The following PGM2L1 variants were observed in gnomAD, a reference collection of about 807,000 sequenced individuals.
PGM2L1 encodes the protein phosphoglucomutase 2 like 1, also known as glucose 1,6-bisphosphate synthase.
A neutral mutation model predicts 73.4 loss-of-function variants in PGM2L1; 35 were observed. The ratio of observed to expected loss-of-function variants is 0.48; its 90% CI spans 0.36 to 0.63. The LOEUF (loss-of-function observed/expected upper bound fraction) is 0.63, where lower values mean the gene tolerates loss of function less well. Among genes scored for constraint, PGM2L1 ranks in the 30% least tolerant of loss-of-function variants. The pLI, the probability that PGM2L1 is intolerant of heterozygous loss-of-function variation, is 0.00. For missense variants in PGM2L1, 570 were observed against 742.0 expected, an observed-to-expected ratio of 0.77 and a Z score of 2.69; for synonymous variants, 225 against 253.8, an observed-to-expected ratio of 0.89 and a Z score of 1.08.
intron 13 of PGM2L1, among the ~76,000 whole-genome samples, chr11:74,337,882 CA>C: frequency 6.6e-6 from 1 of 152,188 alleles, no homozygotes; most frequent in East Asian, 1.9e-4. Context: ...CCATATGACC[CA>C]GCAGTTCACT....
chr11:74,336,575 C>G lies in PGM2L1; in HGVS notation c.*77G>C, dbSNP rs868319840. 5 of 878,486 alleles carry G rather than the reference C, an allele frequency of 5.7e-6. No individual in the cohort carries two copies. In the African/African-American group the frequency reaches 8.7e-5, roughly 15 times the overall value. The allele number at this position is 878,486 out of a possible 1,614,324, so 54.4% of individuals were successfully genotyped here. On this transcript the variant is annotated 3_prime_UTR_variant, in exon 14 of 14. Coordinates refer to ENST00000298198, the MANE Select transcript of PGM2L1 (RefSeq NM_173582.6). ...AGATGAGATAGAGAGAGAATGCTAA[C>G]ACAAGGTTCAATGTATGCAGTTCTC...
chr11:74,369,622 G>A (rs1036121215), intron 4 of PGM2L1, among the ~76,000 whole-genome samples: 1 of 152,206 alleles, frequency 6.6e-6, no homozygotes, highest in Admixed American at 6.5e-5. Context: ...TAAGATGCTG[G>A]AAGTGAATCC....
At position 74,351,417 on chromosome 11, in the gene PGM2L1, A is replaced by G. The variant is rs1305239025; in HGVS notation, c.715T>C (p.Tyr239His). Residue 239 changes from tyrosine to histidine, a missense_variant, in exon 6 of 14, where the codon TAC becomes CAC. Transcript: ENST00000298198. The stretch of plus-strand genomic sequence containing the variant: ...CAGATCTTTTTCAGATCTTCCATGT[A>G]TCTCCTGCAAATGTCCTGCAGAGGG... ...RDPLQDICRR[Y>H]MEDLKKICFY... 4 of 1,613,764 alleles carry G rather than the reference A, an allele frequency of 2.5e-6. No homozygotes were observed. The highest frequency in any genetic ancestry group is 2.7e-5 in the African/African-American group (2 of 74,918).
At chr11:74,389,606 C>T (rs1167212315) in intron 1 of PGM2L1, among the ~76,000 whole-genome samples, 1 of 151,326 alleles carries the variant, frequency 6.6e-6, no homozygotes, top group East Asian at 2.0e-4. Context: ...TGCCATCACG[C>T]CCAGCTAATT....
At chr11:74,356,447 T>C (rs1288217689) in intron 5 of PGM2L1, among the ~76,000 whole-genome samples, 1 of 152,158 alleles carries the variant, frequency 6.6e-6, no homozygotes, top group Non-Finnish European at 1.5e-5. Flanking sequence ...TTTAAGATGC[T>C]ACTAAAGAAT....
chr11:74,351,905 T>A (rs1862361439), intron 5 of PGM2L1, among the ~76,000 whole-genome samples: 1 of 150,574 alleles, frequency 6.6e-6, no homozygotes, highest in African/African-American at 2.4e-5. Context: ...GAGCTTGCAG[T>A]GAGCTGAGAT....
chr11:74,395,116 T>C (rs1182367554), intron 1 of PGM2L1, among the ~76,000 whole-genome samples: 1 of 152,184 alleles, frequency 6.6e-6, no homozygotes, highest in Non-Finnish European at 1.5e-5. Flanking sequence ...TATTCTCTCC[T>C]ATTAAGAGAG....
rs1047246336 is a variant in PGM2L1 at position 74,342,151 on chromosome 11, T to C, written c.1632+310A>G. Among the ~76,000 whole-genome samples, 5 of 152,314 alleles carry C rather than the reference T, an allele frequency of 3.3e-5. No individual in the cohort carries two copies. In the East Asian group the frequency reaches 9.6e-4, roughly 29 times the overall value. On this transcript the variant is annotated intron_variant, in intron 12 of 13. Transcript: ENST00000298198. ...TGACCAGTGCTTGGAAAACAAGTCC[T>C]GCTGATCTCCTATTTCAGTATGAAT...
intron 8 of PGM2L1, among the ~76,000 whole-genome samples, chr11:74,346,391 T>TTATAC (rs996606288): frequency 6.6e-6 from 1 of 150,720 alleles, no homozygotes; most frequent in African/African-American, 2.4e-5. Flanking sequence ...TTTCAAAAAA[T>TTATAC]GTATAAAGTC....
At chr11:74,356,189 G>A (rs958191824) in intron 5 of PGM2L1, among the ~76,000 whole-genome samples, 1 of 152,040 alleles carries the variant, frequency 6.6e-6, no homozygotes, top group Non-Finnish European at 1.5e-5. Context: ...ACTTGCTTGG[G>A]TAGAGAAATC....
Position 74,343,769 on chromosome 11 carries a change from CTTTTTTTTTT to C in PGM2L1, c.1219-363_1219-354del, listed in dbSNP as rs56938172. Reference sequence around the variant, plus strand: ...GACTGAACCAGGTGCTTTACATTATCTTTTTTTTTTTTTTTTTTTTTTTTTTTGAGACGGA... The same window carrying C: ...GACTGAACCAGGTGCTTTACATTATCTTTTTTTTTTTTTTTTTGAGACGGA... On this transcript the variant is annotated intron_variant, in intron 9 of 13. Coordinates refer to ENST00000298198, the MANE Select transcript of PGM2L1 (RefSeq NM_173582.6). 9.7e-3 allele frequency among the ~76,000 whole-genome samples: 767 copies of C among 79,206 alleles called. 12 individuals are homozygous for C. The highest frequency in any genetic ancestry group is 0.037 in the African/African-American group (715 of 19,462). The allele number at this position is 79,206 out of a possible 152,430, so 52.0% of individuals were successfully genotyped here. A position where few individuals can be genotyped will look rare whatever the true frequency, so the allele number is the denominator to read the frequency against.
In PGM2L1 at chr11:74,332,926, T is replaced by C. The variant is rs1565431660; in HGVS notation, c.*3726A>G. The C allele has an allele frequency of 6.6e-6, 1 of 152,510 alleles. No individual in the cohort carries two copies. Among genetic ancestry groups the C allele is most frequent in the African/African-American group, 2.4e-5 (1 of 41,364 alleles). The allele number at this position is 152,510 out of a possible 1,614,324, so 9.4% of individuals were successfully genotyped here. A position where few individuals can be genotyped will look rare whatever the true frequency, so the allele number is the denominator to read the frequency against. The stretch of plus-strand genomic sequence containing the variant: ...AGATGAACAAAATTTTGTTCAAGTC[T>C]CACTTAATTTGCCAGGTTAAATTAA... On this transcript the variant is annotated 3_prime_UTR_variant, in exon 14 of 14. Transcript: ENST00000298198.
rs752813364 is a variant in PGM2L1 at position 74,347,236 on chromosome 11, G to A, written c.851C>T (p.Pro284Leu). The A allele has an allele frequency of 3.0e-5, 48 of 1,613,082 alleles. No individual in the cohort carries two copies. In the Admixed American group the frequency reaches 7.7e-4, roughly 26 times the overall value. ...TTTTTGTTCTGGTACTGGAATTGGAGGCTTAAAACCAAACACTTTAAAAGC... is the reference window on the plus strand; with the variant it reads ...TTTTTGTTCTGGTACTGGAATTGGAAGCTTAAAACCAAACACTTTAAAAGC... ...QLAFKVFGFKPPIPVPEQKDP... is the reference protein window; with the variant it reads ...QLAFKVFGFKLPIPVPEQKDP... The change falls in exon 7 of 14, where the codon CCT (proline) becomes CTT (leucine). Residue 284 changes from proline (P) to leucine (L), a missense_variant. Pro to Leu is a moderately conservative substitution (Grantham distance 98). Coordinates refer to ENST00000298198, the MANE Select transcript of PGM2L1 (RefSeq NM_173582.6).
chr11:74,371,947 A>G (rs769305762), intron 2 of PGM2L1, 130 bp from the exon 3 acceptor site: 26 of 711,206 alleles, frequency 3.7e-5, no homozygotes, highest in Non-Finnish European at 6.4e-5. Context: ...CTTTATGCCC[A>G]TGTTTACCAG....
chr11:74,330,317 C>G lies in PGM2L1; in HGVS notation c.*6335G>C, dbSNP rs2134866322. 1 of 152,692 alleles carries G rather than the reference C, an allele frequency of 6.5e-6. No individual in the cohort carries two copies. The highest frequency in any genetic ancestry group is 2.1e-4 in the South Asian group (1 of 4,822). The allele number at this position is 152,692 out of a possible 1,614,324, so 9.5% of individuals were successfully genotyped here. A position where few individuals can be genotyped will look rare whatever the true frequency, so the allele number is the denominator to read the frequency against. ...ATAAAAATTACACAGAAACTCATGC[C>G]TATGAAGAGACCTGTTTATTACTGA... On this transcript the variant is annotated 3_prime_UTR_variant, in exon 14 of 14. Coordinates refer to ENST00000298198, the MANE Select transcript of PGM2L1 (RefSeq NM_173582.6).
chr11:74,378,157 CTGGGCA>C (rs1421889681), intron 1 of PGM2L1, among the ~76,000 whole-genome samples: 1 of 152,046 alleles, frequency 6.6e-6, no homozygotes, highest in Non-Finnish European at 1.5e-5. Flanking sequence ...CAAAAATTAG[CTGGGCA>C]TGGTAGCATG....
chr11:74,351,691 G>C, intron 5 of PGM2L1, 115 bp from the exon 6 acceptor site: 1 of 903,970 alleles, frequency 1.1e-6, no homozygotes, highest in Non-Finnish European at 1.6e-6. Flanking sequence ...GGCCAGGCAC[G>C]GTGGCTCACG....
chr11:74,344,503 A>G (rs918424814), intron 9 of PGM2L1, among the ~76,000 whole-genome samples: 1 of 152,152 alleles, frequency 6.6e-6, no homozygotes, highest in African/African-American at 2.4e-5. Flanking sequence ...GAGTCAACAG[A>G]AAGAGTATGT....
At chr11:74,368,746 G>A (rs1437859996) in intron 4 of PGM2L1, among the ~76,000 whole-genome samples, 171 bp from the exon 5 acceptor site, 7 of 151,996 alleles carry the variant, frequency 4.6e-5, no homozygotes, top group African/African-American at 4.8e-5. Context: ...TTTATTATAA[G>A]ATTTCCTTCC....
Sources: gnomAD v4.1 joint callset for allele counts (sites outside exome capture counted in the v4.1 genomes callset) on GRCh38, gnomAD v4.1.1 for gene constraint, MANE v1.5 for transcripts, NCBI Gene and HGNC (gene_info 2026-07-23, HGNC 2026-07-21) for gene names.